Variants in ARMH1 observed in about 807,000 individuals in gnomAD.
ARMH1 encodes armadillo-like helical domain containing protein 1.
In ARMH1, 34 loss-of-function variants were observed where a neutral mutation model predicts 50.2. The ratio of observed to expected loss-of-function variants is 0.68; its 90% confidence interval spans 0.51 to 0.90. ARMH1 has a LOEUF of 0.90. Among genes scored for constraint, ARMH1 ranks in the 40% least tolerant of loss-of-function variants. ARMH1 has a pLI of 0.00. For missense variants in ARMH1, 538 were observed against 553.9 expected, an observed-to-expected ratio of 0.97 and a Z score of 0.29; for synonymous variants, 221 against 224.2, an observed-to-expected ratio of 0.99 and a Z score of 0.13.
intron 6 of ARMH1, among the ~76,000 whole-genome samples, chr1:44,706,237 G>A (rs1438708298): frequency 1.3e-5 from 2 of 152,210 alleles, no homozygotes; most frequent in East Asian, 3.8e-4. Context: ...GGAATTTGGG[G>A]TGGTTCAAAT....
At chr1:44,717,350 C>A (rs1573472772) in intron 6 of ARMH1, among the ~76,000 whole-genome samples, 1 of 152,336 alleles carries the variant, frequency 6.6e-6, no homozygotes, top group South Asian at 2.1e-4. Flanking sequence ...TGTTTCCCAG[C>A]CAGATCTCCC....
Position 44,689,907 on chromosome 1 carries a change from T to A in ARMH1, c.206+4T>A. 6.5e-7 allele frequency: 1 copy of A among 1,549,076 alleles called. No homozygotes were observed. Among genetic ancestry groups the A allele is most frequent in the Admixed American group, 2.0e-5 (1 of 50,900 alleles). ...TGACCACCTCGCTTAGAATCACGTA[T>A]CCTTTACTGAACAGAAAAAAAAAAA... is the stretch of plus-strand genomic sequence containing the variant. On this transcript the variant is annotated splice_donor_region_variant and intron_variant, in intron 2 of 11. Coordinates refer to ENST00000535358, the MANE Select transcript of ARMH1 (RefSeq NM_001145636.2).
intron 6 of ARMH1, chr1:44,721,971 C>T (rs912208699): frequency 6.6e-6 from 1 of 152,166 alleles, no homozygotes; most frequent in Non-Finnish European, 1.5e-5. Flanking sequence ...TGCCTTTGGA[C>T]CTGCAGACAG....
chr1:44,675,829 G>A (rs1573254026), intron 1 of ARMH1, among the ~76,000 whole-genome samples: 1 of 151,936 alleles, frequency 6.6e-6, no homozygotes, highest in East Asian at 1.9e-4. Context: ...GCATGGTGGT[G>A]CACACCTGTA....
At chr1:44,688,918 G>A (rs568926177) in intron 1 of ARMH1, among the ~76,000 whole-genome samples, 2 of 152,070 alleles carry the variant, frequency 1.3e-5, no homozygotes, top group Admixed American at 1.3e-4. Flanking sequence ...TAGTGTAAAA[G>A]CCCGAGGTAC....
chr1:44,723,934 T>A, intron 6 of ARMH1, 188 bp from the exon 7 acceptor site: 1 of 673,550 alleles, frequency 1.5e-6, no homozygotes, highest in Non-Finnish European at 2.3e-6. Context: ...CCCTTCCTCC[T>A]CCCCCTTCAG....
intron 6 of ARMH1, chr1:44,721,883 A>G (rs1366333984): frequency 2.6e-5 from 4 of 152,330 alleles, no homozygotes; most frequent in African/African-American, 7.2e-5. Context: ...TTTATTCGTT[A>G]TGAAGAGAAA....
At chr1:44,705,492 CA>C (rs998323345) in intron 6 of ARMH1, among the ~76,000 whole-genome samples, 6 of 141,178 alleles carry the variant, frequency 4.2e-5, no homozygotes, top group Admixed American at 7.1e-5. Flanking sequence ...GATTCTGTCT[CA>C]AAAAAAAAAC....
chr1:44,704,201 G>A, intron 6 of ARMH1, 28 bp downstream of exon 6: 2 of 1,500,038 alleles, frequency 1.3e-6, no homozygotes, highest in Non-Finnish European at 1.8e-6. Context: ...TGCAGAAGGG[G>A]GCACCGAGAG....
At chr1:44,701,261 C>A in intron 5 of ARMH1, 142 bp downstream of exon 5, 2 of 809,138 alleles carry the variant, frequency 2.5e-6, no homozygotes, top group Non-Finnish European at 3.8e-6. Flanking sequence ...AGCGTTACTT[C>A]CAGAAGGCCA....
chr1:44,710,124 A>C (rs1646535723), intron 6 of ARMH1, among the ~76,000 whole-genome samples: 1 of 152,120 alleles, frequency 6.6e-6, no homozygotes, highest in South Asian at 2.1e-4. Flanking sequence ...TAGTGCAGGG[A>C]AACAGTGGCC....
At chr1:44,708,241 C>A (rs1461852971) in intron 6 of ARMH1, among the ~76,000 whole-genome samples, 2 of 152,184 alleles carry the variant, frequency 1.3e-5, no homozygotes, top group Non-Finnish European at 2.9e-5. Flanking sequence ...AGAGTAATTT[C>A]TTTGAGTTTG....
chr1:44,717,864 TAA>T (rs1410348070), intron 6 of ARMH1, among the ~76,000 whole-genome samples: 2 of 152,198 alleles, frequency 1.3e-5, no homozygotes, highest in Admixed American at 6.5e-5. Context: ...GCACGATATA[TAA>T]AGAGTTGTAA....
rs958557501 is a variant in ARMH1, at chr1:44,724,071, C to T, written c.725-51C>T. 6.8e-5 allele frequency: 104 copies of T among 1,527,248 alleles called. No homozygotes were observed. The highest frequency in any genetic ancestry group is 4.2e-4 in the South Asian group (34 of 81,542). The allele number at this position is 1,527,248 out of a possible 1,614,324, so 94.6% of individuals were successfully genotyped here. ...TGGTTCACGGGGTTCTTTGCTTCCT[C>T]GGTGGCGGAGGGGCCTGGGGCCTCT... On this transcript the variant is annotated intron_variant, in intron 6 of 11. Transcript: ENST00000535358. This position sits in a 1 kb window ranked among gnomAD's most constrained non-coding sequence, Gnocchi z 6.4.
At chr1:44,722,035 A>G (rs1647314526) in intron 6 of ARMH1, 1 of 152,094 alleles carries the variant, frequency 6.6e-6, no homozygotes, top group African/African-American at 2.4e-5. Context: ...ACTGGGTAAA[A>G]TCTCCTGACA....
intron 6 of ARMH1, among the ~76,000 whole-genome samples, chr1:44,720,388 T>G (rs1424277468): frequency 6.6e-6 from 1 of 152,042 alleles, no homozygotes; most frequent in Non-Finnish European, 1.5e-5. Flanking sequence ...CTAAGCGTGG[T>G]CCTAGGCTGC....
intron 5 of ARMH1, among the ~76,000 whole-genome samples, chr1:44,702,803 GT>G (rs1267679798): frequency 6.6e-6 from 1 of 152,016 alleles, no homozygotes; most frequent in Non-Finnish European, 1.5e-5. Context: ...AGGGAAAAGA[GT>G]TTCCGTAAGG....
rs74359676 is a variant in ARMH1 at position 44,709,672 on chromosome 1, G to GA, written c.724+5514dup. 7.0e-3 allele frequency among the ~76,000 whole-genome samples: 918 copies of GA among 130,936 alleles called. 9 individuals carry two copies. The highest frequency in any genetic ancestry group is 0.017 in the African/African-American group (595 of 34,704). The allele number at this position is 130,936 out of a possible 152,430, so 85.9% of individuals were successfully genotyped here. A position where few individuals can be genotyped will look rare whatever the true frequency, so the allele number is the denominator to read the frequency against. On this transcript the variant is annotated intron_variant, in intron 6 of 11. Transcript: ENST00000535358. The stretch of plus-strand genomic sequence containing the variant: ...GGCAACAGAGTGAGACTCCATCTCA[G>GA]AAAAAAAAAAAAAAATTATCTGAGC...
In ARMH1 at chr1:44,698,247, C is replaced by A; in HGVS notation, c.442+18C>A. On this transcript the variant is annotated intron_variant, in intron 4 of 11. Transcript: ENST00000535358. ...AAGCTATGGTGGGTACTGTGTGTGA[C>A]AAGATGTGTCTCCCTAGGGGCCTGA... 6.5e-7 allele frequency: 1 copy of A among 1,543,060 alleles called. No homozygotes were observed. Among genetic ancestry groups the A allele is most frequent in the South Asian group, 1.2e-5 (1 of 83,016 alleles).
Sources: allele counts gnomAD v4.1 joint callset (sites outside exome capture counted in the v4.1 genomes callset), GRCh38; gene constraint gnomAD v4.1.1; non-coding constraint Gnocchi (gnomAD v3.1); transcripts MANE v1.5; gene names NCBI Gene and HGNC (gene_info 2026-07-23, HGNC 2026-07-21).